The following GPHN variants were observed in gnomAD, a reference collection of about 807,000 sequenced individuals.
GPHN encodes gephyrin.
A neutral mutation model predicts 95.5 loss-of-function variants in GPHN; 17 were observed. The observed-to-expected ratio is 0.18, with a 90% CI of 0.12 to 0.27. The LOEUF is 0.27. GPHN is among the 10% of genes least tolerant of loss of function. The pLI is 1.00. For synonymous variants in GPHN, 320 were observed against 322.5 expected (o/e 0.99, Z 0.08); for missense variants, 660 against 978.1 (o/e 0.67, Z 4.34).
intron 2 of GPHN, among the ~76,000 whole-genome samples, chr14:66,690,513 GT>G (rs1233795911): frequency 6.6e-5 from 10 of 152,060 alleles, no homozygotes; most frequent in African/African-American, 2.4e-4. Context: ...CTGCATTTGG[GT>G]GATATTTTCT....
chr14:67,268,484 A>C, the GPHN span, among the ~76,000 whole-genome samples: 1 of 152,180 alleles, frequency 6.6e-6, no homozygotes, highest in Non-Finnish European at 1.5e-5. Context: ...GAACACCGAC[A>C]TGTTACTTCT....
intron 9 of GPHN, among the ~76,000 whole-genome samples, chr14:67,019,175 A>C (rs1248980812): frequency 5.9e-5 from 9 of 152,258 alleles, no homozygotes; most frequent in Admixed American, 5.9e-4. Context: ...AAGAGTACTT[A>C]GGAAACAGTT....
chr14:67,274,811 C>G, the GPHN span, among the ~76,000 whole-genome samples: 57 of 152,230 alleles, frequency 3.7e-4, no homozygotes, highest in South Asian at 2.7e-3. Context: ...CCAGTGGTTT[C>G]TAGTTCTCCT....
At chr14:67,128,518 C>T (rs761962375) in intron 17 of GPHN, among the ~76,000 whole-genome samples, 2 of 152,126 alleles carry the variant, frequency 1.3e-5, no homozygotes, top group Non-Finnish European at 2.9e-5. Context: ...AGCAACTGAA[C>T]AAACATATAT....
intron 12 of GPHN, among the ~76,000 whole-genome samples, chr14:67,093,629 C>A (rs1261088319): frequency 2.0e-5 from 3 of 152,008 alleles, no homozygotes; most frequent in African/African-American, 7.2e-5. Flanking sequence ...ATAATGCCTT[C>A]TTTCCCAATA....
the GPHN span, among the ~76,000 whole-genome samples, chr14:67,488,267 G>A: frequency 3.3e-5 from 5 of 152,236 alleles, no homozygotes; most frequent in African/African-American, 1.2e-4. Flanking sequence ...AGGCCGCTTG[G>A]GCCCTTGCTC....
At chr14:66,942,627 T>G (rs1369827939) in intron 8 of GPHN, among the ~76,000 whole-genome samples, 2 of 152,188 alleles carry the variant, frequency 1.3e-5, no homozygotes, top group African/African-American at 4.8e-5. Context: ...AGCATATACT[T>G]TAGACATTAG....
At chr14:67,722,742 T>C in the GPHN span, 5 of 1,568,400 alleles carry the variant, frequency 3.2e-6, no homozygotes, top group Non-Finnish European at 4.4e-6. Flanking sequence ...CAAACAATCG[T>C]TTACAAAGAC....
the GPHN span, among the ~76,000 whole-genome samples, chr14:67,287,758 C>T: frequency 6.6e-6 from 1 of 152,184 alleles, no homozygotes; most frequent in African/African-American, 2.4e-5. Context: ...GTCATCTATA[C>T]GGTTAGACCA....
the GPHN span, chr14:67,651,527 C>T: frequency 4.4e-6 from 7 of 1,602,970 alleles, no homozygotes; most frequent in African/African-American, 1.3e-5. Flanking sequence ...TTTGGATAAC[C>T]TTCCTTCTAA....
the GPHN span, among the ~76,000 whole-genome samples, chr14:67,407,905 C>A: frequency 6.6e-6 from 1 of 152,104 alleles, no homozygotes; most frequent in East Asian, 1.9e-4. Flanking sequence ...CTCAAGAGCT[C>A]AACATTGCAA....
chr14:67,682,961 G>A, the GPHN span, among the ~76,000 whole-genome samples: 1 of 152,172 alleles, frequency 6.6e-6, no homozygotes, highest in Non-Finnish European at 1.5e-5. Flanking sequence ...ATTAAGCTGA[G>A]TAAAAGAAGT....
At chr14:67,727,101 G>A in the GPHN span, 56 of 1,614,082 alleles carry the variant, frequency 3.5e-5, no homozygotes, top group African/African-American at 1.9e-4. Context: ...GACCTCCAGA[G>A]CGAGAAGCGC....
chr14:66,644,955 T>C (rs564130766), intron 1 of GPHN, among the ~76,000 whole-genome samples: 2 of 152,272 alleles, frequency 1.3e-5, no homozygotes, highest in African/African-American at 4.8e-5. Context: ...GTAAATGTTG[T>C]TTGCCATACT....
chr14:67,292,391 G>A, the GPHN span: 3 of 643,594 alleles, frequency 4.7e-6, no homozygotes, highest in Non-Finnish European at 8.1e-6. Context: ...AATATATGCA[G>A]ATTTTGGTAT....
intron 1 of GPHN, among the ~76,000 whole-genome samples, chr14:66,571,304 C>T (rs1048874504): frequency 2.0e-5 from 3 of 152,122 alleles, no homozygotes; most frequent in Non-Finnish European, 4.4e-5. Context: ...AAACTGCCCT[C>T]GTGATCCAGT....
chr14:66,633,738 A>G (rs2063951518), intron 1 of GPHN, among the ~76,000 whole-genome samples: 1 of 152,172 alleles, frequency 6.6e-6, no homozygotes, highest in African/African-American at 2.4e-5. Flanking sequence ...ATGGTAAGTT[A>G]AACGTCTTTG....
chr14:66,533,364 T>A (rs1451192469), intron 1 of GPHN, among the ~76,000 whole-genome samples: 2 of 152,210 alleles, frequency 1.3e-5, no homozygotes, highest in Non-Finnish European at 2.9e-5. Context: ...ACCATTGATT[T>A]CCAGGTTTGA....
chr14:66,529,846 TC>T (rs2058840877), intron 1 of GPHN, among the ~76,000 whole-genome samples: 1 of 152,126 alleles, frequency 6.6e-6, no homozygotes, highest in African/African-American at 2.4e-5. Context: ...GGAAGCTTCA[TC>T]CCAGAGGGGC....
Sources: allele counts gnomAD v4.1 joint callset (sites outside exome capture counted in the v4.1 genomes callset), GRCh38; gene constraint gnomAD v4.1.1; transcripts MANE v1.5; gene names NCBI Gene and HGNC (gene_info 2026-07-23, HGNC 2026-07-21).